The following POU2F2 variants were observed in gnomAD, a reference collection of about 807,000 sequenced individuals.
POU2F2 encodes the protein POU domain, class 2, transcription factor 2.
Under a neutral mutation model 63.5 loss-of-function variants are expected in POU2F2, and 14 were observed. The observed-to-expected ratio is 0.22, with a 90% CI of 0.15 to 0.34. POU2F2 has a LOEUF of 0.34. POU2F2 is among the 10% of genes least tolerant of loss of function. The probability of loss-of-function intolerance (pLI) is 1.00; values close to 1 mark genes in which losing one functional copy is unlikely to be tolerated. For missense variants in POU2F2, 607 were observed against 815.2 expected (o/e 0.74, Z 3.11); for synonymous variants, 306 against 348.6 (o/e 0.88, Z 1.36).
intron 1 of POU2F2, among the ~76,000 whole-genome samples, chr19:42,129,273 G>A (rs1382165225): frequency 6.6e-6 from 1 of 152,050 alleles, no homozygotes; most frequent in Non-Finnish European, 1.5e-5. Flanking sequence ...TATTTTAGGG[G>A]AACTGAAAGA....
At chr19:42,197,279 C>CA (rs1433261307), upstream of POU2F2, among the ~76,000 whole-genome samples, 1 of 152,204 alleles carries the variant, frequency 6.6e-6, no homozygotes, top group Non-Finnish European at 1.5e-5. Flanking sequence ...TCACATCAAA[C>CA]ATGGGTTTAA....
At chr19:42,194,622 G>A (rs1057421078) in intron 1 of POU2F2, among the ~76,000 whole-genome samples, 1 of 151,660 alleles carries the variant, frequency 6.6e-6, no homozygotes, top group African/African-American at 2.4e-5. Flanking sequence ...AGCCGAGTAT[G>A]GTGGCACATG....
At chr19:42,180,416 C>A (rs916203645), upstream of POU2F2, among the ~76,000 whole-genome samples, 16 of 152,272 alleles carry the variant, frequency 1.1e-4, no homozygotes, top group Admixed American at 5.9e-4. Context: ...ACACACTATC[C>A]ATTCTGGAAG....
At chr19:42,149,865 C>T (rs752433390) in intron 2 of POU2F2, among the ~76,000 whole-genome samples, 79 of 152,194 alleles carry the variant, frequency 5.2e-4, no homozygotes, top group Middle Eastern at 3.2e-3. Context: ...AGAGCTGAGA[C>T]TGACACATGG....
chr19:42,148,484 C>T (rs2034276670), intron 2 of POU2F2, among the ~76,000 whole-genome samples: 1 of 152,128 alleles, frequency 6.6e-6, no homozygotes. Context: ...CCTCCGCAAA[C>T]CAGGTAGCTG....
Position 42,117,189 on chromosome 19 carries a change from C to T in POU2F2, c.369+61G>A. 1 of 1,300,442 alleles carries T rather than the reference C, an allele frequency of 7.7e-7. No homozygotes were observed. The highest frequency in any genetic ancestry group is 1.6e-5 in the South Asian group (1 of 64,014). 80.6% of individuals were successfully genotyped at this position (1,300,442 alleles called of 1,614,324 possible). ...TGGTGGAACAGTTCATCCACTAGCC[C>T]TGTAACAGATGAGGGGTGGCTGGTT... On this transcript the variant is annotated intron_variant, in intron 5 of 14. Transcript: ENST00000692977. This position sits in a 1 kb window ranked among gnomAD's most constrained non-coding sequence, Gnocchi z 4.4.
chr19:42,145,487 T>G (rs143332693), intron 2 of POU2F2, among the ~76,000 whole-genome samples: 1 of 152,254 alleles, frequency 6.6e-6, no homozygotes, highest in African/African-American at 2.4e-5. Context: ...CCAGATCGCA[T>G]GAGACACAGT....
chr19:42,179,884 C>A (rs560104187), upstream of POU2F2, among the ~76,000 whole-genome samples: 4 of 151,926 alleles, frequency 2.6e-5, no homozygotes, highest in Non-Finnish European at 2.9e-5. Context: ...GCACTGTGTG[C>A]GCAACACAAA....
chr19:42,157,393 C>T (rs964874963), intron 2 of POU2F2: 11 of 152,240 alleles, frequency 7.2e-5, no homozygotes, highest in African/African-American at 1.9e-4. Context: ...TGAACCCCCA[C>T]GAGCCTGAAA....
At chr19:42,107,844 C>CT (rs1212347543) in intron 5 of POU2F2, among the ~76,000 whole-genome samples, 1 of 152,184 alleles carries the variant, frequency 6.6e-6, no homozygotes. Context: ...GGCTATGGTC[C>CT]TGCATGGCCT....
In POU2F2 at chr19:42,096,039, A is replaced by G. The variant is rs779724065; in HGVS notation, c.729+43T>C. On this transcript the variant is annotated intron_variant, in intron 8 of 14. Coordinates refer to ENST00000692977, the MANE Select transcript of POU2F2 (RefSeq NM_001394376.1). The surrounding 1 kb of genome is among the most constrained non-coding windows in gnomAD (Gnocchi z 4.1). ...CCCTCGCGGCATCTATCAACTGGCC[A>G]CGCCCCCACGCCCACCGCCCAGCCT... 2 of 1,609,424 alleles carry G rather than the reference A, an allele frequency of 1.2e-6. No individual in the cohort carries two copies. Among genetic ancestry groups the G allele is most frequent in the Non-Finnish European group, 1.7e-6 (2 of 1,177,966 alleles).
Position 42,169,214 on chromosome 19 carries a change from G to A in POU2F2, c.-70+6749C>T, listed in dbSNP as rs944926737. 5.3e-5 allele frequency among the ~76,000 whole-genome samples: 8 copies of A among 152,230 alleles called. No individual in the cohort carries two copies. Among genetic ancestry groups the A allele is most frequent in the African/African-American group, 1.9e-4 (8 of 41,458 alleles). ...AGGGCATGGCCCTTTCGGTCACCAC[G>A]TGTGGCCTCCCTGTGGGATTTCTGA... On this transcript the variant is annotated intron_variant, in intron 1 of 6. Transcript: ENST00000524801. This position sits in a 1 kb window ranked among gnomAD's most constrained non-coding sequence, Gnocchi z 4.3.
chr19:42,139,395 C>T (rs149359505), intron 2 of POU2F2, among the ~76,000 whole-genome samples: 5 of 152,288 alleles, frequency 3.3e-5, no homozygotes, highest in Non-Finnish European at 7.4e-5. Flanking sequence ...CTAGGGCCAG[C>T]CCCCTGAACT....
At chr19:42,100,241 G>A (rs939539608) in intron 5 of POU2F2, among the ~76,000 whole-genome samples, 6 of 150,940 alleles carry the variant, frequency 4.0e-5, no homozygotes, top group Admixed American at 6.6e-5. Flanking sequence ...ACAGGTGCCC[G>A]CCACCACTCC....
At chr19:42,192,887 C>A (rs1300573770) in intron 1 of POU2F2, among the ~76,000 whole-genome samples, 1 of 152,088 alleles carries the variant, frequency 6.6e-6, no homozygotes, top group Non-Finnish European at 1.5e-5. Flanking sequence ...CTGGTACTGA[C>A]ACTTCAGAAA....
At chr19:42,193,414 G>A (rs909911970) in intron 1 of POU2F2, among the ~76,000 whole-genome samples, 3 of 152,150 alleles carry the variant, frequency 2.0e-5, no homozygotes, top group African/African-American at 7.2e-5. Context: ...CTAAGAGGGA[G>A]GCAGAGGAAG....
At chr19:42,165,474 G>A (rs904183612) in intron 1 of POU2F2, among the ~76,000 whole-genome samples, 5 of 152,200 alleles carry the variant, frequency 3.3e-5, no homozygotes, top group African/African-American at 1.2e-4. Flanking sequence ...ACCAGAAGCT[G>A]GGGATCTGGG....
intron 2 of POU2F2, among the ~76,000 whole-genome samples, chr19:42,140,173 C>A (rs1053516311): frequency 6.6e-6 from 1 of 152,246 alleles, no homozygotes; most frequent in Non-Finnish European, 1.5e-5. Context: ...CCTGGGTCTT[C>A]CTCAATGAGG....
intron 11 of POU2F2, among the ~76,000 whole-genome samples, chr19:42,094,625 A>G (rs901115571): frequency 3.9e-5 from 6 of 152,184 alleles, no homozygotes; most frequent in Non-Finnish European, 8.8e-5. Context: ...CACCAACCAC[A>G]CTAAATTGCA....
Sources: gnomAD v4.1 joint callset for allele counts (sites outside exome capture counted in the v4.1 genomes callset) on GRCh38, gnomAD v4.1.1 for gene constraint, Gnocchi (gnomAD v3.1) non-coding constraint, MANE v1.5 for transcripts, NCBI Gene and HGNC (gene_info 2026-07-23, HGNC 2026-07-21) for gene names.